The following SNTG1 variants were observed in gnomAD, a reference collection of about 807,000 sequenced individuals.
The protein encoded by SNTG1 is syntrophin gamma 1.
SNTG1 carries 39 observed loss-of-function variants against 74.7 expected under a neutral mutation model. That is an observed-to-expected ratio of 0.52 (90% CI 0.40 to 0.68). The LOEUF is 0.68. Among genes scored for constraint, SNTG1 ranks in the 30% least tolerant of loss-of-function variants. SNTG1 has a pLI of 0.00. For missense variants in SNTG1, 685 were observed against 609.5 expected (o/e 1.12, Z -1.30); for synonymous variants, 254 against 217.1 (o/e 1.17, Z -1.49).
intron 8 of SNTG1, among the ~76,000 whole-genome samples, chr8:50,458,438 C>G: frequency 6.6e-6 from 1 of 151,862 alleles, no homozygotes; most frequent in Non-Finnish European, 1.5e-5. Context: ...AAGTAGCAAA[C>G]AAGAAGGTGA....
Position 50,181,470 on chromosome 8 carries a change from G to T in SNTG1, c.-28+8835G>T, listed in dbSNP as rs138437714. On this transcript the variant is annotated intron_variant, in intron 2 of 18. Transcript: ENST00000642720. ...GCATCAGTCCTACCTCCATGAATAG[G>T]TGGGGAAGGGCAGTCAGCAGAGTTT... 4.0e-3 allele frequency among the ~76,000 whole-genome samples: 614 copies of T among 152,236 alleles called. 5 individuals carry two copies. Among genetic ancestry groups the T allele is most frequent in the Non-Finnish European group, 7.7e-3 (523 of 68,012 alleles).
intron 4 of SNTG1, among the ~76,000 whole-genome samples, chr8:50,410,393 C>G (rs1414574076): frequency 1.3e-5 from 2 of 152,002 alleles, no homozygotes; most frequent in South Asian, 2.1e-4. Context: ...ATTTTTTAAA[C>G]TTTTAAAAAA....
chr8:49,951,595 C>T (rs1486071711), intron 1 of SNTG1, among the ~76,000 whole-genome samples: 1 of 146,152 alleles, frequency 6.8e-6, no homozygotes, highest in Non-Finnish European at 1.5e-5. Flanking sequence ...ATATCACACT[C>T]TGGGGACTGT....
chr8:50,521,256 C>T (rs2094177194), intron 9 of SNTG1, among the ~76,000 whole-genome samples: 1 of 151,880 alleles, frequency 6.6e-6, no homozygotes, highest in South Asian at 2.1e-4. Context: ...CATCACACAC[C>T]AAGGCCTGAT....
At chr8:50,146,464 G>A (rs1485086003) in intron 1 of SNTG1, among the ~76,000 whole-genome samples, 1 of 152,168 alleles carries the variant, frequency 6.6e-6, no homozygotes, top group Non-Finnish European at 1.5e-5. Context: ...GTTGCAGTGA[G>A]CCAAGATCAC....
At chr8:50,367,060 C>T (rs986237812) in intron 2 of SNTG1, among the ~76,000 whole-genome samples, 3 of 151,322 alleles carry the variant, frequency 2.0e-5, no homozygotes, top group Admixed American at 2.0e-4. Flanking sequence ...ACAGCAATAG[C>T]ATGGAGTCCT....
At chr8:50,465,701 A>T (rs924321966) in intron 8 of SNTG1, among the ~76,000 whole-genome samples, 3 of 152,180 alleles carry the variant, frequency 2.0e-5, no homozygotes, top group Admixed American at 2.0e-4. Flanking sequence ...AAATTGTGAA[A>T]ATCTAGCCTT....
At chr8:50,167,244 C>G (rs536863639) in intron 1 of SNTG1, among the ~76,000 whole-genome samples, 2 of 131,216 alleles carry the variant, frequency 1.5e-5, no homozygotes, top group South Asian at 4.8e-4. Context: ...GCACAATGTG[C>G]ACATGTACCC....
At chr8:50,125,560 T>C (rs1481068025) in intron 1 of SNTG1, among the ~76,000 whole-genome samples, 1 of 142,128 alleles carries the variant, frequency 7.0e-6, no homozygotes, top group Non-Finnish European at 1.6e-5. Flanking sequence ...AATAAGCACA[T>C]AAAATGTAAT....
At chr8:49,942,927 A>G (rs1026959920) in intron 1 of SNTG1, among the ~76,000 whole-genome samples, 3 of 152,308 alleles carry the variant, frequency 2.0e-5, no homozygotes, top group Non-Finnish European at 4.4e-5. Context: ...AATAGTCACT[A>G]TGAGGATTTA....
Position 50,368,601 on chromosome 8 carries a change from G to A in SNTG1, c.-27-25611G>A, listed in dbSNP as rs117228642. ...AAATGGATTACACCATCAAAGATCCGGCCCGTTTGAACTGAAGAGGATAGG... is the reference window on the plus strand; with the variant it reads ...AAATGGATTACACCATCAAAGATCCAGCCCGTTTGAACTGAAGAGGATAGG... On this transcript the variant is annotated intron_variant, in intron 2 of 18. Transcript: ENST00000642720. Among the ~76,000 whole-genome samples, 52 of 152,186 alleles carry A rather than the reference G, an allele frequency of 3.4e-4. No individual in the cohort carries two copies. The East Asian group carries it at 9.3e-3, about 27-fold the overall frequency.
intron 13 of SNTG1, among the ~76,000 whole-genome samples, chr8:50,607,302 A>T (rs1029736045): frequency 1.3e-5 from 2 of 151,726 alleles, no homozygotes; most frequent in African/African-American, 4.8e-5. Flanking sequence ...TTTATTCATT[A>T]TCTGGCAAAA....
intron 4 of SNTG1, among the ~76,000 whole-genome samples, chr8:50,428,151 A>C (rs1350981773): frequency 6.6e-6 from 1 of 152,128 alleles, no homozygotes; most frequent in East Asian, 1.9e-4. Context: ...TTCTACAAAA[A>C]ATTAAAAAAT....
intron 2 of SNTG1, among the ~76,000 whole-genome samples, chr8:50,378,912 A>G (rs2092434645): frequency 6.6e-6 from 1 of 152,042 alleles, no homozygotes; most frequent in Non-Finnish European, 1.5e-5. Context: ...AGGCACCACA[A>G]GCTCCCACTC....
chr8:50,361,394 G>T (rs1043616276), intron 2 of SNTG1, among the ~76,000 whole-genome samples: 1 of 152,112 alleles, frequency 6.6e-6, no homozygotes, highest in African/African-American at 2.4e-5. Context: ...GTCCATGATG[G>T]TTTGCTTCTT....
At chr8:50,613,358 C>T (rs1337460457) in intron 13 of SNTG1, among the ~76,000 whole-genome samples, 1 of 152,054 alleles carries the variant, frequency 6.6e-6, no homozygotes, top group East Asian at 1.9e-4. Context: ...GAATGTGTGC[C>T]TTGAACTGAT....
At chr8:49,941,818 G>A (rs1386137847) in intron 1 of SNTG1, among the ~76,000 whole-genome samples, 1 of 152,164 alleles carries the variant, frequency 6.6e-6, no homozygotes, top group African/African-American at 2.4e-5. Context: ...TGTCTAGAAG[G>A]ATATAAATGA....
intron 2 of SNTG1, among the ~76,000 whole-genome samples, chr8:50,209,715 T>A (rs1395445714): frequency 6.6e-6 from 1 of 152,114 alleles, no homozygotes; most frequent in Admixed American, 6.6e-5. Context: ...CAAAACCCCA[T>A]CTGTACGTCA....
chr8:50,218,755 T>G (rs1007999103), intron 2 of SNTG1, among the ~76,000 whole-genome samples: 2 of 152,146 alleles, frequency 1.3e-5, no homozygotes, highest in African/African-American at 4.8e-5. Flanking sequence ...CTTGCCCAAA[T>G]AGCCTTTGTA....
Sources: allele counts gnomAD v4.1 joint callset (sites outside exome capture counted in the v4.1 genomes callset), GRCh38; gene constraint gnomAD v4.1.1; transcripts MANE v1.5; gene names NCBI Gene and HGNC (gene_info 2026-07-23, HGNC 2026-07-21).